HDAC11: variants seen among roughly 807,000 people sequenced by gnomAD.
The protein encoded by HDAC11 is histone deacetylase 11.
Under a neutral mutation model 41.1 loss-of-function variants are expected in HDAC11, and 23 were observed. That is an observed-to-expected ratio of 0.56 (90% CI 0.40 to 0.79). HDAC11 has a LOEUF of 0.79. HDAC11 is among the 30% of genes least tolerant of loss of function. HDAC11 has a pLI of 0.00. For synonymous variants in HDAC11, 187 were observed against 186.6 expected, an observed-to-expected ratio of 1.00 and a Z score of -0.02; for missense variants, 402 against 477.3, an observed-to-expected ratio of 0.84 and a Z score of 1.47.
chr3:13,488,523 T>C (rs963504956), intron 3 of HDAC11, among the ~76,000 whole-genome samples: 8 of 152,366 alleles, frequency 5.3e-5, no homozygotes, highest in African/African-American at 1.7e-4. Flanking sequence ...ATACAATATG[T>C]GACCTTTTGT....
At chr3:13,484,152 T>A (rs1026199455) in intron 3 of HDAC11, among the ~76,000 whole-genome samples, 1 of 152,144 alleles carries the variant, frequency 6.6e-6, no homozygotes, top group African/African-American at 2.4e-5. Context: ...TTAGTAGAGA[T>A]GTGGTTTCGC....
intron 3 of HDAC11, among the ~76,000 whole-genome samples, chr3:13,496,012 C>T (rs534914095): frequency 4.6e-5 from 7 of 152,328 alleles, no homozygotes; most frequent in Admixed American, 2.0e-4. Flanking sequence ...GGCTCTGCCT[C>T]GCGTGGGTGG....
Position 13,504,673 on chromosome 3 carries a change from C to A in HDAC11, c.1034C>A (p.Ala345Glu). Residue 345 changes from alanine (A) to glutamate (E), a missense_variant, in exon 10 of 10, where the codon GCA becomes GAA. Ala to Glu is a moderately radical substitution (Grantham distance 107). Transcript: ENST00000295757. ...TCAGACACACCGCTGCTTCCCCCTG[C>A]AGTGCCCTGACCCTTGCTGCCCTGC... ...QNSDTPLLPPAVP is the reference protein window; with the variant it reads ...QNSDTPLLPPEVP 6.2e-7 allele frequency: 1 copy of A among 1,613,604 alleles called. No individual in the cohort carries two copies. Among genetic ancestry groups the A allele is most frequent in the South Asian group, 1.1e-5 (1 of 91,086 alleles).
intron 3 of HDAC11, among the ~76,000 whole-genome samples, chr3:13,495,514 C>T (rs1385702434): frequency 1.3e-5 from 2 of 152,164 alleles, no homozygotes; most frequent in African/African-American, 4.8e-5. Context: ...AATACCTGCT[C>T]CTCTTACCAC....
rs186832866 is a variant in HDAC11, at chr3:13,490,142, C to T, written c.252+6578C>T. On this transcript the variant is annotated intron_variant, in intron 3 of 9. Transcript: ENST00000295757. ...CCGAGTAGCTGGGATTACAGGCGCCCGGCACCACGCCTAGCTAATTTTTCT... is the reference window on the plus strand; with the variant it reads ...CCGAGTAGCTGGGATTACAGGCGCCTGGCACCACGCCTAGCTAATTTTTCT... Among the ~76,000 whole-genome samples, 25 of 152,024 alleles carry T rather than the reference C, an allele frequency of 1.6e-4. No individual in the cohort carries two copies. In the East Asian group the frequency reaches 3.3e-3, roughly 20 times the overall value.
intron 3 of HDAC11, among the ~76,000 whole-genome samples, chr3:13,484,976 C>T (rs564383851): frequency 1.3e-5 from 2 of 152,202 alleles, no homozygotes; most frequent in Non-Finnish European, 2.9e-5. Flanking sequence ...GGAGCCCTGA[C>T]CCCCAGGCTC....
intron 3 of HDAC11, among the ~76,000 whole-genome samples, chr3:13,487,572 G>T (rs1306308302): frequency 6.6e-6 from 1 of 152,250 alleles, no homozygotes; most frequent in Non-Finnish European, 1.5e-5. Flanking sequence ...TAGCTGTTGA[G>T]CTCCCCAGTG....
intron 3 of HDAC11, among the ~76,000 whole-genome samples, chr3:13,490,971 G>A (rs112195459): frequency 0.13 from 19,882 of 151,232 alleles, 1,474 homozygotes; most frequent in African/African-American, 0.2. Context: ...GTGTGGTCTC[G>A]ATCTCTTGAC....
rs189995596 is a variant in HDAC11 at position 13,486,191 on chromosome 3, T to C, written c.252+2627T>C. Among the ~76,000 whole-genome samples, 153 of 138,910 alleles carry C rather than the reference T, an allele frequency of 1.1e-3. 1 individual carries two copies. Among genetic ancestry groups the C allele is most frequent in the African/African-American group, 3.9e-3 (144 of 36,696 alleles). 91.1% of individuals were successfully genotyped at this position (138,910 alleles called of 152,430 possible). A position where few individuals can be genotyped will look rare whatever the true frequency, so the allele number is the denominator to read the frequency against. Reference sequence around the variant, plus strand: ...CTGAGGCAGGAAAATCACTTGAACCTGGGAGGTAGAGGTTGCAGTGAGCCG... The same window carrying C: ...CTGAGGCAGGAAAATCACTTGAACCCGGGAGGTAGAGGTTGCAGTGAGCCG... On this transcript the variant is annotated intron_variant, in intron 3 of 9. Transcript: ENST00000295757.
intron 6 of HDAC11, 152 bp from the exon 7 acceptor site, chr3:13,501,719 C>T (rs756810385): frequency 3.3e-5 from 25 of 746,788 alleles, no homozygotes; most frequent in Middle Eastern, 2.2e-4. Context: ...CTGCACAGCT[C>T]TCCCTGGCAA....
In HDAC11 at chr3:13,480,323, C is replaced by T; in HGVS notation, c.-25C>T. On this transcript the variant is annotated 5_prime_UTR_variant, in exon 1 of 10. Transcript: ENST00000295757. This position sits in a 1 kb window ranked among gnomAD's most constrained non-coding sequence, Gnocchi z 4.6. ...CCCCGCCCGGTCGCGGAGCTGCGGC[C>T]AGCTTTGGGAGGGCCGGCCCCGGGA... is the stretch of plus-strand genomic sequence containing the variant. 1.6e-6 allele frequency: 2 copies of T among 1,232,952 alleles called. No individual in the cohort carries two copies. Among genetic ancestry groups the T allele is most frequent in the African/African-American group, 1.6e-5 (1 of 63,970 alleles). The allele number at this position is 1,232,952 out of a possible 1,614,324, so 76.4% of individuals were successfully genotyped here.
intron 3 of HDAC11, among the ~76,000 whole-genome samples, chr3:13,485,426 G>A (rs1701513208): frequency 6.6e-6 from 1 of 152,202 alleles, no homozygotes; most frequent in African/African-American, 2.4e-5. Flanking sequence ...CCGAGGGTGA[G>A]GGGAAGGAAG....
chr3:13,495,315 G>A (rs1702046294), intron 3 of HDAC11, among the ~76,000 whole-genome samples: 1 of 151,990 alleles, frequency 6.6e-6, no homozygotes, highest in South Asian at 2.1e-4. Context: ...CCCCTGTTCT[G>A]AGCTCCAGTC....
rs970228326 is a variant in HDAC11, at chr3:13,498,361, G to A, written c.370-152G>A. 3 of 910,542 alleles carry A rather than the reference G, an allele frequency of 3.3e-6. No individual in the cohort carries two copies. The African/African-American group carries it at 4.9e-5, about 15-fold the overall frequency. 56.4% of individuals were successfully genotyped at this position (910,542 alleles called of 1,614,324 possible). On this transcript the variant is annotated intron_variant, in intron 4 of 9. Transcript: ENST00000295757. ...TTCCTGGACTGTTGCTTGGGGTAGG[G>A]AGTTCCTTCTATACCCCTGCCTTGT... is the stretch of plus-strand genomic sequence containing the variant.
chr3:13,497,854 C>CT (rs10667297), intron 4 of HDAC11, among the ~76,000 whole-genome samples: 33,243 of 105,594 alleles, frequency 0.31, 8,238 homozygotes, highest in African/African-American at 0.54. Flanking sequence ...TCTTTTTTTG[C>CT]TTTTTTTTTT....
chr3:13,488,930 T>A (rs556875728), intron 3 of HDAC11, among the ~76,000 whole-genome samples: 1 of 152,266 alleles, frequency 6.6e-6, no homozygotes, highest in South Asian at 2.1e-4. Flanking sequence ...TGTTTTTTTT[T>A]TTCCCCCCCA....
intron 2 of HDAC11, among the ~76,000 whole-genome samples, chr3:13,481,624 C>T (rs1701326182): frequency 6.6e-6 from 1 of 152,188 alleles, no homozygotes; most frequent in South Asian, 2.1e-4. Context: ...GGCCTAAGTC[C>T]TGCCTCTGCC....
Position 13,496,853 on chromosome 3 carries a change from G to GT in HDAC11, c.369+2dup. On this transcript the variant is annotated splice_donor_variant, in intron 4 of 9. Coordinates refer to ENST00000295757, the MANE Select transcript of HDAC11 (RefSeq NM_024827.4). LOFTEE classifies it high-confidence loss of function. ...GACCCAGACAGGAGGAACCATAATG[G>GT]TAGGTGGGGTGGGGGGGCATGGCTG... The GT allele has an allele frequency of 7.7e-7, 1 of 1,301,394 alleles. No homozygotes were observed. The highest frequency in any genetic ancestry group is 1.1e-6 in the Non-Finnish European group (1 of 924,010). The allele number at this position is 1,301,394 out of a possible 1,614,324, so 80.6% of individuals were successfully genotyped here.
At chr3:13,488,844 G>A (rs534317773) in intron 3 of HDAC11, among the ~76,000 whole-genome samples, 2 of 152,052 alleles carry the variant, frequency 1.3e-5, no homozygotes, top group African/African-American at 4.8e-5. Flanking sequence ...TCTCCACGGG[G>A]GCTGCACCAT....
Sources: gnomAD v4.1 joint callset for allele counts (sites outside exome capture counted in the v4.1 genomes callset) on GRCh38, gnomAD v4.1.1 for gene constraint, Gnocchi (gnomAD v3.1) non-coding constraint, MANE v1.5 for transcripts, NCBI Gene and HGNC (gene_info 2026-07-23, HGNC 2026-07-21) for gene names.